Variants in CNTN5 observed in about 807,000 individuals in gnomAD.
CNTN5 encodes the protein contactin-5.
CNTN5 carries 77 observed loss-of-function variants against 129.1 expected under a neutral mutation model. The observed-to-expected ratio is 0.60, with a 90% CI of 0.50 to 0.72. The LOEUF is 0.72. Ranked by LOEUF, CNTN5 falls within the 30% of genes least tolerant of loss-of-function variation. The pLI, the probability that CNTN5 is intolerant of heterozygous loss-of-function variation, is 0.00. For synonymous variants in CNTN5, 509 were observed against 465.6 expected (o/e 1.09, Z -1.20); for missense variants, 1,478 against 1,328.8 (o/e 1.11, Z -1.75).
chr11:99,663,358 C>T (rs922438048), intron 3 of CNTN5, among the ~76,000 whole-genome samples: 2 of 152,054 alleles, frequency 1.3e-5, no homozygotes, highest in African/African-American at 4.8e-5. Flanking sequence ...ATCCCAGCTA[C>T]TTGGGAGGCT....
intron 2 of CNTN5, among the ~76,000 whole-genome samples, chr11:99,337,737 A>C (rs1866296902): frequency 6.6e-6 from 1 of 152,218 alleles, no homozygotes; most frequent in Non-Finnish European, 1.5e-5. Context: ...CAAAATAGTA[A>C]GTTACATATT....
intron 3 of CNTN5, among the ~76,000 whole-genome samples, chr11:99,675,758 G>A (rs1953252576): frequency 6.6e-6 from 1 of 152,066 alleles, no homozygotes; most frequent in Admixed American, 6.6e-5. Context: ...TTATATTAAT[G>A]GGAGGAAAAC....
intron 15 of CNTN5, among the ~76,000 whole-genome samples, chr11:100,214,074 A>G (rs1057131032): frequency 6.6e-5 from 10 of 152,184 alleles, no homozygotes; most frequent in African/African-American, 2.4e-4. Context: ...TATGTATCTC[A>G]TAAACTTGAA....
At chr11:99,571,740 C>G (rs1418836705) in intron 3 of CNTN5, among the ~76,000 whole-genome samples, 1 of 152,088 alleles carries the variant, frequency 6.6e-6, no homozygotes, top group Non-Finnish European at 1.5e-5. Flanking sequence ...GGTACATATC[C>G]TGGTCATACT....
intron 3 of CNTN5, among the ~76,000 whole-genome samples, chr11:99,755,317 CTG>C (rs1183910039): frequency 6.6e-6 from 1 of 152,130 alleles, no homozygotes; most frequent in Non-Finnish European, 1.5e-5. Context: ...TCCAAAGTGA[CTG>C]TACCATTTTG....
At chr11:99,436,482 T>C (rs914749338) in intron 2 of CNTN5, among the ~76,000 whole-genome samples, 1 of 152,170 alleles carries the variant, frequency 6.6e-6, no homozygotes, top group Non-Finnish European at 1.5e-5. Context: ...TCACTTTATA[T>C]TTGTTTAGGA....
chr11:99,763,870 T>A (rs992112568), intron 3 of CNTN5, among the ~76,000 whole-genome samples: 2 of 152,038 alleles, frequency 1.3e-5, no homozygotes. Context: ...AAAAATTCTA[T>A]GGGCAAAATA....
At chr11:100,154,225 T>G (rs1457901229) in intron 13 of CNTN5, among the ~76,000 whole-genome samples, 1 of 152,146 alleles carries the variant, frequency 6.6e-6, no homozygotes, top group Non-Finnish European at 1.5e-5. Context: ...CTTGTGTTTG[T>G]TTGCTGAGAA....
intron 6 of CNTN5, among the ~76,000 whole-genome samples, chr11:99,908,438 C>T (rs567116748): frequency 6.6e-6 from 1 of 151,996 alleles, no homozygotes; most frequent in African/African-American, 2.4e-5. Context: ...TGTATTTATC[C>T]TTTCACATTT....
chr11:99,035,995 G>A (rs1038494098), intron 1 of CNTN5, among the ~76,000 whole-genome samples: 5 of 151,944 alleles, frequency 3.3e-5, no homozygotes, highest in African/African-American at 9.7e-5. Context: ...GCATTTGCTT[G>A]TCTGTAAAGT....
At chr11:99,697,043 A>C (rs1430203201) in intron 3 of CNTN5, among the ~76,000 whole-genome samples, 2 of 152,004 alleles carry the variant, frequency 1.3e-5, no homozygotes, top group Non-Finnish European at 2.9e-5. Context: ...TAAAGGCCAA[A>C]GCTGGGACAA....
In CNTN5 at chr11:99,204,414, CT is replaced by C. The variant is rs1278218971; in HGVS notation, c.-209-120925del. On this transcript the variant is annotated intron_variant, in intron 1 of 24. Coordinates refer to ENST00000524871, the MANE Select transcript of CNTN5 (RefSeq NM_014361.4). Reference sequence around the variant, plus strand: ...TGTTAAGGTTTGAGATCACTTATTCCTTTTTTTCCCCTCTAACAGTTACAAG... The same window carrying C: ...TGTTAAGGTTTGAGATCACTTATTCCTTTTTTCCCCTCTAACAGTTACAAG... Among the ~76,000 whole-genome samples the C allele has an allele frequency of 5.3e-5, 8 of 152,220 alleles. 1 individual carries two copies. In the East Asian group the frequency reaches 1.2e-3, roughly 22 times the overall value.
At chr11:99,570,958 A>G (rs1380434881) in intron 3 of CNTN5, among the ~76,000 whole-genome samples, 2 of 152,220 alleles carry the variant, frequency 1.3e-5, no homozygotes, top group Non-Finnish European at 2.9e-5. Flanking sequence ...AAACCCTCAA[A>G]AGGAAACAGA....
chr11:99,416,418 C>T lies in CNTN5; in HGVS notation c.-71+90934C>T, dbSNP rs144795688. Among the ~76,000 whole-genome samples the T allele has an allele frequency of 1.9e-4, 29 of 152,122 alleles. No individual in the cohort carries two copies. In the East Asian group the frequency reaches 5.6e-3, roughly 29 times the overall value. On this transcript the variant is annotated intron_variant, in intron 2 of 24. Transcript: ENST00000524871. ...GCCATAGCCTCCCCAGTAGCTAGGA[C>T]TACAGGCAAGCATCACCATGCCTGG...
intron 8 of CNTN5, among the ~76,000 whole-genome samples, chr11:99,984,700 C>G (rs1938562702): frequency 1.3e-5 from 2 of 152,042 alleles, no homozygotes; most frequent in Non-Finnish European, 2.9e-5. Flanking sequence ...TGTATACAGG[C>G]TCATAATACA....
chr11:99,257,059 C>T (rs79444733), intron 1 of CNTN5, among the ~76,000 whole-genome samples: 4 of 152,008 alleles, frequency 2.6e-5, no homozygotes, highest in Non-Finnish European at 2.9e-5. Context: ...GATTCAGATT[C>T]GGGTCTGCAT....
Position 100,259,993 on chromosome 11 carries a change from A to G in CNTN5, c.2164+4075A>G, listed in dbSNP as rs190824756. The stretch of plus-strand genomic sequence containing the variant: ...AGAAACAAAAACCCTTCAAAAAATC[A>G]ATGAATCCAGGAGCTGGTGTTTTGA... On this transcript the variant is annotated intron_variant, in intron 17 of 24. Coordinates refer to ENST00000524871, the MANE Select transcript of CNTN5 (RefSeq NM_014361.4). 3.9e-5 allele frequency among the ~76,000 whole-genome samples: 6 copies of G among 152,316 alleles called. No individual in the cohort carries two copies. The East Asian group carries it at 9.6e-4, about 24-fold the overall frequency.
intron 3 of CNTN5, among the ~76,000 whole-genome samples, chr11:99,677,784 A>C (rs1953357216): frequency 2.0e-5 from 3 of 152,100 alleles, no homozygotes; most frequent in Admixed American, 6.6e-5. Context: ...CCTATGTGTA[A>C]ACATTTTCGT....
chr11:99,342,145 T>C (rs1289661258), intron 2 of CNTN5, among the ~76,000 whole-genome samples: 1 of 152,162 alleles, frequency 6.6e-6, no homozygotes, highest in Non-Finnish European at 1.5e-5. Context: ...GAAAAAATAG[T>C]CTTAAATATC....
Sources: gnomAD v4.1 joint callset for allele counts (sites outside exome capture counted in the v4.1 genomes callset) on GRCh38, gnomAD v4.1.1 for gene constraint, MANE v1.5 for transcripts, NCBI Gene and HGNC (gene_info 2026-07-23, HGNC 2026-07-21) for gene names.